TEX9: variants seen among roughly 807,000 people sequenced by gnomAD.
TEX9 encodes the protein testis-expressed protein 9.
A neutral mutation model predicts 59.6 loss-of-function variants in TEX9; 74 were observed. The observed-to-expected ratio is 1.24, with a 90% CI of 1.03 to 1.51. The LOEUF is 1.51. TEX9 is among the 40% of genes most tolerant of loss of function. TEX9 has a pLI of 0.00. For synonymous variants in TEX9, 186 were observed against 152.2 expected (o/e 1.22, Z -1.64); for missense variants, 522 against 447.8 (o/e 1.17, Z -1.49).
intron 4 of TEX9, among the ~76,000 whole-genome samples, chr15:56,385,436 G>T (rs1461472716): frequency 5.3e-5 from 8 of 152,118 alleles, no homozygotes; most frequent in African/African-American, 1.7e-4. Context: ...TCAATGCAAG[G>T]ATCAGATTAA....
At chr15:56,401,716 A>T (rs1459321579) in intron 9 of TEX9, among the ~76,000 whole-genome samples, 1 of 152,186 alleles carries the variant, frequency 6.6e-6, no homozygotes, top group Non-Finnish European at 1.5e-5. Context: ...TCTAAAATTG[A>T]CCACAAAATT....
chr15:56,454,774 G>A, the TEX9 span, among the ~76,000 whole-genome samples: 45 of 152,040 alleles, frequency 3.0e-4, no homozygotes, highest in South Asian at 6.5e-3. Context: ...ACCATAGCCC[G>A]TATCTCTTTT....
intron 12 of TEX9, chr15:56,429,950 G>T (rs2140310845): frequency 6.6e-6 from 1 of 152,172 alleles, no homozygotes; most frequent in East Asian, 1.9e-4. Context: ...TTTATGAAAT[G>T]TATTAATTAC....
At chr15:56,251,224 T>C (rs2682051) in intron 1 of TEX9, among the ~76,000 whole-genome samples, 52,860 of 152,118 alleles carry the variant, frequency 0.35, 9,850 homozygotes, top group Non-Finnish European at 0.41. Context: ...TTGTGGCTGA[T>C]GTTAGTATGT....
intron 1 of TEX9, among the ~76,000 whole-genome samples, chr15:56,255,714 A>G (rs2044130466): frequency 6.6e-6 from 1 of 152,094 alleles, no homozygotes; most frequent in Admixed American, 6.6e-5. Context: ...ATAACATCAA[A>G]TGTCATCTTT....
intron 1 of TEX9, among the ~76,000 whole-genome samples, chr15:56,250,017 T>G (rs74017499): frequency 0.033 from 5,034 of 152,178 alleles, 300 homozygotes; most frequent in African/African-American, 0.11. Flanking sequence ...AACATAAGTC[T>G]TTCAAACCCT....
chr15:56,343,402 T>C (rs2046408636), intron 1 of TEX9, among the ~76,000 whole-genome samples: 1 of 151,698 alleles, frequency 6.6e-6, no homozygotes. Context: ...AGAACAGAAA[T>C]CAATAAAACA....
At chr15:56,267,090 T>C (rs1278961056) in intron 1 of TEX9, among the ~76,000 whole-genome samples, 1 of 152,220 alleles carries the variant, frequency 6.6e-6, no homozygotes, top group Non-Finnish European at 1.5e-5. Flanking sequence ...TGATGAGGAT[T>C]TTTTCATGTG....
At chr15:56,458,368 T>C in the TEX9 span, among the ~76,000 whole-genome samples, 1 of 152,216 alleles carries the variant, frequency 6.6e-6, no homozygotes, top group Non-Finnish European at 1.5e-5. Context: ...TCCCTGTCCC[T>C]ACACATGCTC....
the TEX9 span, among the ~76,000 whole-genome samples, chr15:56,454,304 C>A: frequency 7.2e-5 from 11 of 152,120 alleles, no homozygotes; most frequent in Non-Finnish European, 1.5e-4. Context: ...CTAATCATAT[C>A]ATGGAAAATG....
At chr15:56,315,051 T>C (rs12440598) in intron 1 of TEX9, among the ~76,000 whole-genome samples, 7,713 of 145,972 alleles carry the variant, frequency 0.053, 298 homozygotes, top group African/African-American at 0.1. Flanking sequence ...TGTCTCTGCA[T>C]GTGAGATGGG....
intron 1 of TEX9, among the ~76,000 whole-genome samples, chr15:56,290,013 G>T (rs2045050703): frequency 6.6e-6 from 1 of 152,188 alleles, no homozygotes; most frequent in Admixed American, 6.5e-5. Context: ...ATTGGCTCTG[G>T]AGTGTGAATT....
chr15:56,285,419 ATAGCTTTTTGGGCTACAAT>A (rs2044930274), intron 1 of TEX9, among the ~76,000 whole-genome samples: 1 of 152,174 alleles, frequency 6.6e-6, no homozygotes, highest in South Asian at 2.1e-4. Context: ...CCCTAAGGGT[ATAGCTTTTTGGGCTACAAT>A]TTAATTTGGG....
intron 12 of TEX9, chr15:56,434,511 A>G: frequency 9.0e-7 from 1 of 1,106,698 alleles, no homozygotes; most frequent in Non-Finnish European, 1.3e-6. Flanking sequence ...ATACAAACTG[A>G]AAAAGTAAGG....
chr15:56,353,061 A>G (rs1217507363), intron 1 of TEX9, among the ~76,000 whole-genome samples: 1 of 152,218 alleles, frequency 6.6e-6, no homozygotes, highest in Non-Finnish European at 1.5e-5. Flanking sequence ...CACAATATTT[A>G]GGTGCTCACA....
intron 12 of TEX9, chr15:56,444,472 C>T (rs779684459): frequency 8.7e-6 from 14 of 1,607,090 alleles, no homozygotes; most frequent in Non-Finnish European, 1.0e-5. Flanking sequence ...ATCTTCCTAA[C>T]AATTTCATCA....
At chr15:56,304,997 A>G (rs2045444732) in intron 1 of TEX9, among the ~76,000 whole-genome samples, 1 of 152,214 alleles carries the variant, frequency 6.6e-6, no homozygotes, top group African/African-American at 2.4e-5. Context: ...AACAGTGAAC[A>G]ATCTGGAAAA....
At chr15:56,271,509 G>A (rs1455353399) in intron 1 of TEX9, among the ~76,000 whole-genome samples, 3 of 152,032 alleles carry the variant, frequency 2.0e-5, no homozygotes, top group Non-Finnish European at 4.4e-5. Flanking sequence ...ATGTTGGTCA[G>A]GCTGGTCTCA....
intron 1 of TEX9, among the ~76,000 whole-genome samples, chr15:56,285,897 G>A (rs2044942012): frequency 6.6e-6 from 1 of 152,158 alleles, no homozygotes; most frequent in African/African-American, 2.4e-5. Flanking sequence ...GTGGCAATTA[G>A]CTCCTGTGAG....
Sources: allele counts gnomAD v4.1 joint callset (sites outside exome capture counted in the v4.1 genomes callset), GRCh38; gene constraint gnomAD v4.1.1; transcripts MANE v1.5; gene names NCBI Gene and HGNC (gene_info 2026-07-23, HGNC 2026-07-21).